CFAP74: variants seen among roughly 807,000 people sequenced by gnomAD.
CFAP74 encodes cilia- and flagella-associated protein 74.
CFAP74 carries 124 observed loss-of-function variants against 188.9 expected under a neutral mutation model. That is an observed-to-expected ratio of 0.66 (90% CI 0.57 to 0.76). The LOEUF is 0.76. Ranked by LOEUF, CFAP74 falls within the 30% of genes least tolerant of loss-of-function variation. The pLI, the probability that CFAP74 is intolerant of heterozygous loss-of-function variation, is 0.00. For missense variants in CFAP74, 2,198 were observed against 2,165.2 expected, an observed-to-expected ratio of 1.02 and a Z score of -0.30; for synonymous variants, 956 against 916.7, an observed-to-expected ratio of 1.04 and a Z score of -0.77.
intron 25 of CFAP74, among the ~76,000 whole-genome samples, chr1:1,934,100 T>C (rs922992637): frequency 6.6e-6 from 1 of 152,194 alleles, no homozygotes; most frequent in African/African-American, 2.4e-5. Flanking sequence ...CCGGTCTGCA[T>C]GGGGCTCTCC....
chr1:1,963,871 G>C lies in CFAP74; in HGVS notation c.1576-4C>G, dbSNP rs372127224. ...ACACTTTGCCAATATCAAAGTCCTG[G>C]GAAAGGCCGAGGTAGCAGCTTCAGA... On this transcript the variant is annotated splice_polypyrimidine_tract_variant and splice_region_variant and intron_variant, in intron 13 of 38. Transcript: ENST00000682832. The C allele has an allele frequency of 8.8e-6, 14 of 1,596,148 alleles. No individual in the cohort carries two copies. The African/African-American group carries it at 1.9e-4, about 21-fold the overall frequency.
At chr1:1,960,278 A>C (rs1654990224) in intron 14 of CFAP74, among the ~76,000 whole-genome samples, 1 of 152,254 alleles carries the variant, frequency 6.6e-6, no homozygotes, top group African/African-American at 2.4e-5. Context: ...TAATCACTGA[A>C]GGCGTGAGGC....
chr1:2,000,358 C>T (rs933896713), intron 1 of CFAP74, among the ~76,000 whole-genome samples: 20 of 152,222 alleles, frequency 1.3e-4, no homozygotes, highest in Non-Finnish European at 2.5e-4. Flanking sequence ...CGCATGGGTT[C>T]GGAGGACCAG....
intron 18 of CFAP74, 89 bp downstream of exon 18, chr1:1,955,602 C>A: frequency 6.2e-7 from 1 of 1,612,170 alleles, no homozygotes; most frequent in Admixed American, 1.7e-5. Flanking sequence ...TACTTTCCAG[C>A]CCTCCCCTGG....
chr1:1,926,504 T>C lies in CFAP74; in HGVS notation c.3781A>G (p.Ser1261Gly). Reference sequence around the variant, plus strand: ...TTCTGGATGGAGATCTTCTTGATACTGCGGTGCCCTGAAATGGGGCAGGGA... The same window carrying C: ...TTCTGGATGGAGATCTTCTTGATACCGCGGTGCCCTGAAATGGGGCAGGGA... ...NFGDVAVGHR[S>G]IKKISIQNVS... Residue 1261 changes from serine to glycine, a missense_variant, in exon 31 of 39, where the codon AGT becomes GGT. Transcript: ENST00000682832. 1.9e-6 allele frequency: 3 copies of C among 1,550,118 alleles called. No individual in the cohort carries two copies. The highest frequency in any genetic ancestry group is 1.7e-6 in the Non-Finnish European group (2 of 1,146,874).
chr1:1,939,056 CGTGA>C (rs2102044294), intron 24 of CFAP74, 68 bp from the exon 25 acceptor site: 10 of 1,470,852 alleles, frequency 6.8e-6, no homozygotes, highest in Middle Eastern at 1.7e-4. Context: ...GCGGCAGGGC[CGTGA>C]GTGTGAGAGT....
chr1:1,939,867 T>A, intron 23 of CFAP74, 100 bp from the exon 24 acceptor site: 3 of 1,160,784 alleles, frequency 2.6e-6, no homozygotes, highest in Non-Finnish European at 3.6e-6. Flanking sequence ...CTTGTGGCCA[T>A]GGCCCACTGT....
At chr1:1,922,779 T>C in intron 37 of CFAP74, 56 bp from the exon 38 acceptor site, 1 of 1,577,760 alleles carries the variant, frequency 6.3e-7, no homozygotes. Flanking sequence ...CCAGAAGCAG[T>C]GGGACTAGGG....
chr1:1,926,084 T>C, intron 32 of CFAP74, 144 bp downstream of exon 32: 2 of 1,408,410 alleles, frequency 1.4e-6, no homozygotes, highest in Non-Finnish European at 1.9e-6. Flanking sequence ...GCGGCTGGTG[T>C]GAGGGCCTGG....
chr1:1,964,542 C>A (rs1183108616), intron 13 of CFAP74, among the ~76,000 whole-genome samples: 1 of 152,250 alleles, frequency 6.6e-6, no homozygotes, highest in Non-Finnish European at 1.5e-5. Context: ...GCAATCCCAG[C>A]ACTTTGGGAG....
chr1:1,973,113 G>T lies in CFAP74; in HGVS notation c.675-66C>A. On this transcript the variant is annotated intron_variant, in intron 7 of 38. Coordinates refer to ENST00000682832, the MANE Select transcript of CFAP74 (RefSeq NM_001304360.2). This position sits in a 1 kb window ranked among gnomAD's most constrained non-coding sequence, Gnocchi z 6.2. Reference sequence around the variant, plus strand: ...CACGTCCCATCTGCCCCCAAGCCCTGCACGGCTGGAGCTCGTGTCCCAGAG... The same window carrying T: ...CACGTCCCATCTGCCCCCAAGCCCTTCACGGCTGGAGCTCGTGTCCCAGAG... 1 of 1,194,122 alleles carries T rather than the reference G, an allele frequency of 8.4e-7. No individual in the cohort carries two copies. The highest frequency in any genetic ancestry group is 1.2e-6 in the Non-Finnish European group (1 of 824,504). 74.0% of individuals were successfully genotyped at this position (1,194,122 alleles called of 1,614,324 possible).
At chr1:1,987,060 A>G (rs1489546190) in intron 4 of CFAP74, 25 bp from the exon 5 acceptor site, 1 of 1,564,176 alleles carries the variant, frequency 6.4e-7, no homozygotes, top group Admixed American at 1.7e-5. Context: ...CAAAGGTCAG[A>G]TGATGGTTCC....
chr1:1,988,092 C>T (rs748075940), intron 4 of CFAP74: 16 of 471,358 alleles, frequency 3.4e-5, no homozygotes, highest in Admixed American at 1.2e-4. Context: ...CACAGGCGTG[C>T]GCCACCACTC....
At chr1:1,929,008 G>T in intron 26 of CFAP74, 126 bp from the exon 27 acceptor site, 1 of 637,046 alleles carries the variant, frequency 1.6e-6, no homozygotes, top group Non-Finnish European at 2.7e-6. Context: ...TGAGATTTCA[G>T]GCTGCGTGCC....
chr1:1,973,927 G>A lies in CFAP74; in HGVS notation c.674+98C>T. 2 of 1,203,392 alleles carry A rather than the reference G, an allele frequency of 1.7e-6. No homozygotes were observed. The highest frequency in any genetic ancestry group is 2.8e-5 in the East Asian group (1 of 35,668). The allele number at this position is 1,203,392 out of a possible 1,614,324, so 74.5% of individuals were successfully genotyped here. ...GGTGGAGGTGGATCTGGACAGATGTGGAGGGCGAGGCTGAATCTGGAGACC... is the reference window on the plus strand; with the variant it reads ...GGTGGAGGTGGATCTGGACAGATGTAGAGGGCGAGGCTGAATCTGGAGACC... On this transcript the variant is annotated intron_variant, in intron 7 of 38. Transcript: ENST00000682832. This position sits in a 1 kb window ranked among gnomAD's most constrained non-coding sequence, Gnocchi z 6.2.
chr1:1,948,095 A>G (rs1653898119), intron 18 of CFAP74, among the ~76,000 whole-genome samples: 1 of 151,396 alleles, frequency 6.6e-6, no homozygotes, highest in Admixed American at 6.6e-5. Flanking sequence ...CTGGTCTCGA[A>G]CTCCTGACCT....
In CFAP74 at chr1:1,973,195, G is replaced by A. The variant is rs748913417; in HGVS notation, c.675-148C>T. On this transcript the variant is annotated intron_variant, in intron 7 of 38. Transcript: ENST00000682832. The surrounding 1 kb of genome is among the most constrained non-coding windows in gnomAD (Gnocchi z 6.2). ...CGCACAGCCTCCCTTGGGGAGGAGC[G>A]AGGGTCCCTGGAGAGCTGATGCCGT... The A allele has an allele frequency of 4.0e-5, 25 of 617,958 alleles. No homozygotes were observed. Among genetic ancestry groups the A allele is most frequent in the Non-Finnish European group, 5.7e-5 (20 of 352,900 alleles). 38.3% of individuals were successfully genotyped at this position (617,958 alleles called of 1,614,324 possible). A position where few individuals can be genotyped will look rare whatever the true frequency, so the allele number is the denominator to read the frequency against.
chr1:1,942,992 G>A lies in CFAP74; in HGVS notation c.2487-836C>T, dbSNP rs895658222. Among the ~76,000 whole-genome samples the A allele has an allele frequency of 1.3e-5, 2 of 152,176 alleles. No homozygotes were observed. Among genetic ancestry groups the A allele is most frequent in the Admixed American group, 6.5e-5 (1 of 15,282 alleles). The stretch of plus-strand genomic sequence containing the variant: ...ACTACCCAGAGGCCACCCACAGTGC[G>A]TCTGGGCACGCCAGCCTCTGCACCC... On this transcript the variant is annotated intron_variant, in intron 21 of 38. Coordinates refer to ENST00000682832, the MANE Select transcript of CFAP74 (RefSeq NM_001304360.2). This position sits in a 1 kb window ranked among gnomAD's most constrained non-coding sequence, Gnocchi z 4.3.
At position 1,968,947 on chromosome 1, in the gene CFAP74, GC is replaced by G; in HGVS notation, c.1047-115del. On this transcript the variant is annotated intron_variant, in intron 10 of 38. Coordinates refer to ENST00000682832, the MANE Select transcript of CFAP74 (RefSeq NM_001304360.2). The surrounding 1 kb of genome is among the most constrained non-coding windows in gnomAD (Gnocchi z 4.3). ...GCGCCCTCCTGGGGGCTCCGGTCCT[GC>G]CCAGCAGCCCCAGGTGAGACAGCGC... The G allele has an allele frequency of 1.9e-6, 1 of 525,506 alleles. No homozygotes were observed. Among genetic ancestry groups the G allele is most frequent in the Non-Finnish European group, 3.0e-6 (1 of 330,666 alleles). 32.6% of individuals were successfully genotyped at this position (525,506 alleles called of 1,614,324 possible).
Sources: allele counts gnomAD v4.1 joint callset (sites outside exome capture counted in the v4.1 genomes callset), GRCh38; gene constraint gnomAD v4.1.1; non-coding constraint Gnocchi (gnomAD v3.1); transcripts MANE v1.5; gene names NCBI Gene and HGNC (gene_info 2026-07-23, HGNC 2026-07-21).